The following ROBO2 variants were observed in gnomAD, a reference collection of about 807,000 sequenced individuals.
ROBO2 encodes the protein roundabout homolog 2.
Under a neutral mutation model 160.8 loss-of-function variants are expected in ROBO2, and 53 were observed. The ratio of observed to expected loss-of-function variants is 0.33; its 90% CI spans 0.26 to 0.41. The LOEUF (loss-of-function observed/expected upper bound fraction) is 0.41. Among genes scored for constraint, ROBO2 ranks in the 10% least tolerant of loss-of-function variants. ROBO2 has a pLI of 1.00. For synonymous variants in ROBO2, 664 were observed against 611.7 expected (o/e 1.09, Z -1.26); for missense variants, 1,577 against 1,722.4 (o/e 0.92, Z 1.49).
intron 2 of ROBO2, among the ~76,000 whole-genome samples, chr3:75,993,179 G>A (rs947997672): frequency 6.6e-6 from 1 of 152,136 alleles, no homozygotes; most frequent in African/African-American, 2.4e-5. Flanking sequence ...GGAGGGTCCA[G>A]GGGCCGAATT....
intron 6 of ROBO2, among the ~76,000 whole-genome samples, chr3:77,536,705 A>T (rs1268629523): frequency 2.0e-5 from 3 of 152,174 alleles, no homozygotes; most frequent in Admixed American, 6.5e-5. Flanking sequence ...AATGTTGTTT[A>T]AAAAAATAAT....
intron 2 of ROBO2, among the ~76,000 whole-genome samples, chr3:76,657,275 A>C (rs2091577098): frequency 6.6e-6 from 1 of 151,738 alleles, no homozygotes; most frequent in Admixed American, 6.6e-5. Context: ...AATACAAAAA[A>C]TTATCTGGGC....
intron 2 of ROBO2, among the ~76,000 whole-genome samples, chr3:76,695,837 T>A (rs1451582434): frequency 6.6e-6 from 1 of 152,162 alleles, no homozygotes; most frequent in African/African-American, 2.4e-5. Context: ...CTGGCTTCCT[T>A]CCATATACCT....
chr3:76,383,284 T>C (rs561289894), intron 2 of ROBO2, among the ~76,000 whole-genome samples: 2 of 152,346 alleles, frequency 1.3e-5, no homozygotes, highest in East Asian at 3.9e-4. Context: ...TGTTCCCCTT[T>C]ATAAAACTAT....
At chr3:76,032,441 G>A (rs1021529289) in intron 2 of ROBO2, among the ~76,000 whole-genome samples, 1 of 152,024 alleles carries the variant, frequency 6.6e-6, no homozygotes, top group Non-Finnish European at 1.5e-5. Context: ...TCTTTTAATT[G>A]TGATGTTAGG....
At chr3:77,153,623 A>G (rs2077721808) in intron 2 of ROBO2, among the ~76,000 whole-genome samples, 1 of 152,170 alleles carries the variant, frequency 6.6e-6, no homozygotes, top group South Asian at 2.1e-4. Context: ...CCAGACTGGA[A>G]AAAGATGTCT....
intron 2 of ROBO2, among the ~76,000 whole-genome samples, chr3:76,789,993 T>G (rs1038894029): frequency 2.0e-5 from 3 of 151,714 alleles, no homozygotes; most frequent in African/African-American, 7.3e-5. Flanking sequence ...TTTTACATGA[T>G]TATCATAAAT....
intron 2 of ROBO2, among the ~76,000 whole-genome samples, chr3:77,135,077 G>A (rs572361209): frequency 2.1e-4 from 32 of 152,218 alleles, no homozygotes; most frequent in African/African-American, 7.5e-4. Flanking sequence ...GAGTGTTTCC[G>A]TAGATCAGCC....
chr3:76,450,627 T>G (rs2109264389), intron 2 of ROBO2, among the ~76,000 whole-genome samples: 1 of 152,282 alleles, frequency 6.6e-6, no homozygotes, highest in Non-Finnish European at 1.5e-5. Flanking sequence ...ATGAAAATTC[T>G]AAACAATTGG....
chr3:75,996,332 C>T (rs1333771451), intron 2 of ROBO2, among the ~76,000 whole-genome samples: 1 of 152,128 alleles, frequency 6.6e-6, no homozygotes. Flanking sequence ...GATGAGCTCT[C>T]ATGGTTTCAT....
intron 6 of ROBO2, among the ~76,000 whole-genome samples, chr3:77,535,756 C>A (rs944887108): frequency 6.6e-6 from 1 of 152,054 alleles, no homozygotes; most frequent in Non-Finnish European, 1.5e-5. Context: ...AAGTTCAGAA[C>A]TTGTTTAATA....
intron 2 of ROBO2, among the ~76,000 whole-genome samples, chr3:76,890,972 A>G (rs1290188437): frequency 6.6e-6 from 1 of 152,156 alleles, no homozygotes; most frequent in Non-Finnish European, 1.5e-5. Flanking sequence ...TGTGAAATTA[A>G]GACAAATCTT....
At chr3:76,397,633 AAAC>A in intron 2 of ROBO2, among the ~76,000 whole-genome samples, 1 of 143,826 alleles carries the variant, frequency 7.0e-6, no homozygotes, top group African/African-American at 3.0e-5. Flanking sequence ...TACAAGAAGA[AAAC>A]AAACAACCCC....
At chr3:76,010,848 T>A (rs2066171196) in intron 2 of ROBO2, among the ~76,000 whole-genome samples, 1 of 152,044 alleles carries the variant, frequency 6.6e-6, no homozygotes, top group Admixed American at 6.6e-5. Flanking sequence ...AAAATTACAG[T>A]TTTAGGAAAT....
At chr3:77,263,000 G>A (rs1049057598) in intron 2 of ROBO2, among the ~76,000 whole-genome samples, 1 of 152,114 alleles carries the variant, frequency 6.6e-6, no homozygotes, top group Non-Finnish European at 1.5e-5. Flanking sequence ...AGAACACTGA[G>A]ACACAATGCT....
chr3:77,455,584 A>G (rs1294019679), intron 2 of ROBO2, among the ~76,000 whole-genome samples: 3 of 151,862 alleles, frequency 2.0e-5, no homozygotes, highest in Non-Finnish European at 4.4e-5. Flanking sequence ...GGCACACACC[A>G]CCACGCCCAG....
At chr3:76,352,190 A>G (rs1364683713) in intron 2 of ROBO2, among the ~76,000 whole-genome samples, 2 of 151,942 alleles carry the variant, frequency 1.3e-5, no homozygotes, top group African/African-American at 2.4e-5. Context: ...AATGTGTACT[A>G]ATCTCATGAT....
chr3:77,632,847 C>T, intron 23 of ROBO2: 1 of 416,792 alleles, frequency 2.4e-6, no homozygotes, highest in South Asian at 9.4e-5. Context: ...AGAATAGACT[C>T]CTCCTCAACA....
chr3:76,359,576 A>AT (rs1396055565), intron 2 of ROBO2, among the ~76,000 whole-genome samples: 1 of 152,062 alleles, frequency 6.6e-6, no homozygotes, highest in African/African-American at 2.4e-5. Context: ...AAGATGATCC[A>AT]TACAGGTTTT....
Sources: allele counts gnomAD v4.1 joint callset (sites outside exome capture counted in the v4.1 genomes callset), GRCh38; gene constraint gnomAD v4.1.1; transcripts MANE v1.5; gene names NCBI Gene and HGNC (gene_info 2026-07-23, HGNC 2026-07-21).